Variants in LARP1B observed in about 807,000 individuals in gnomAD.
LARP1B encodes la-related protein 1B.
Under a neutral mutation model 114.2 loss-of-function variants are expected in LARP1B, and 76 were observed. The observed-to-expected ratio is 0.67, with a 90% CI of 0.55 to 0.81. The LOEUF (loss-of-function observed/expected upper bound fraction) is 0.81. Among genes scored for constraint, LARP1B ranks in the 30% least tolerant of loss-of-function variants. LARP1B has a pLI of 0.00. For missense variants in LARP1B, 1,014 were observed against 1,075.8 expected (o/e 0.94, Z 0.80); for synonymous variants, 345 against 348.0 (o/e 0.99, Z 0.10).
chr4:128,203,081 G>C (rs1165800995), intron 17 of LARP1B, among the ~76,000 whole-genome samples: 1 of 152,046 alleles, frequency 6.6e-6, no homozygotes, highest in African/African-American at 2.4e-5. Flanking sequence ...GCTTATAGCT[G>C]CTTGGGAGGC....
chr4:128,178,512 C>A lies in LARP1B; in HGVS notation c.1766C>A (p.Ala589Glu), dbSNP rs1328070030. 1 of 1,613,910 alleles carries A rather than the reference C, an allele frequency of 6.2e-7. No individual in the cohort carries two copies. Among genetic ancestry groups the A allele is most frequent in the Non-Finnish European group, 8.5e-7 (1 of 1,179,824 alleles). The change falls in exon 14 of 20, where the codon GCA becomes GAA. Residue 589 changes from alanine to glutamate, a missense_variant. Physicochemically the swap from Ala to Glu is moderately radical, Grantham distance 107. Transcript: ENST00000326639. ...SAAMVHSLPTAVPESPRIHPT... is the reference protein window; with the variant it reads ...SAAMVHSLPTEVPESPRIHPT... ...GCAATGGTTCATTCGTTGCCTACAG[C>A]AGTTCCAGAATCTCCTAGAATTCAT...
downstream of LARP1B, among the ~76,000 whole-genome samples, chr4:128,216,162 C>T (rs375252629): frequency 5.6e-4 from 1 of 1,774 alleles, no homozygotes; most frequent in Non-Finnish European, 1.8e-3. Flanking sequence ...GAGTGACCTA[C>T]AAAGAGACTT....
intron 7 of LARP1B, among the ~76,000 whole-genome samples, chr4:128,093,458 C>T (rs1003318156): frequency 2.6e-5 from 4 of 151,638 alleles, no homozygotes; most frequent in African/African-American, 9.7e-5. Flanking sequence ...TAGCCGGGCG[C>T]GGTGGCGGGC....
At chr4:128,135,215 G>A (rs1469089483) in intron 11 of LARP1B, among the ~76,000 whole-genome samples, 1 of 151,970 alleles carries the variant, frequency 6.6e-6, no homozygotes, top group African/African-American at 2.4e-5. Flanking sequence ...AAAAAAATCA[G>A]AGGATTATCA....
intron 7 of LARP1B, among the ~76,000 whole-genome samples, chr4:128,096,703 C>T (rs1778152168): frequency 6.6e-6 from 1 of 151,514 alleles, no homozygotes; most frequent in African/African-American, 2.4e-5. Context: ...CAGGTTCACG[C>T]CATTCTCCTG....
rs374535196 is a variant in LARP1B, at chr4:128,094,187, A to G, written c.668+2675A>G. Among the ~76,000 whole-genome samples the G allele has an allele frequency of 1.3e-4, 20 of 152,064 alleles. No individual in the cohort carries two copies. In the East Asian group the frequency reaches 3.1e-3, roughly 24 times the overall value. On this transcript the variant is annotated intron_variant, in intron 7 of 19. Transcript: ENST00000326639. ...TGATCCGCCGTCCTCGGCCTCCCAA[A>G]GTGCTGGGATTACAGGCGTGAGCCA...
chr4:128,101,958 C>T (rs1780487647), intron 8 of LARP1B, among the ~76,000 whole-genome samples: 1 of 152,106 alleles, frequency 6.6e-6, no homozygotes, highest in African/African-American at 2.4e-5. Context: ...AATCCTCAAG[C>T]ACAATTTTAA....
chr4:128,089,527 G>C (rs1388446633), intron 5 of LARP1B, among the ~76,000 whole-genome samples: 1 of 151,968 alleles, frequency 6.6e-6, no homozygotes, highest in African/African-American at 2.4e-5. Context: ...GTAGAGATGG[G>C]GTTTTGCCAT....
At chr4:128,172,524 C>A (rs1744179905) in intron 12 of LARP1B, among the ~76,000 whole-genome samples, 1 of 151,980 alleles carries the variant, frequency 6.6e-6, no homozygotes, top group Admixed American at 6.5e-5. Flanking sequence ...GAAACCCCAT[C>A]TCTACTAAAA....
rs141996530 is a variant in LARP1B at position 128,190,634 on chromosome 4, A to G, written c.2004-8805A>G. Among the ~76,000 whole-genome samples the G allele has an allele frequency of 7.5e-3, 1,141 of 152,166 alleles. 10 individuals carry two copies. Among genetic ancestry groups the G allele is most frequent in the Non-Finnish European group, 9.2e-3 (625 of 68,006 alleles). ...GTGTTTGACGGTTTCTCCTTCACACATACTCTCTCTCACCTGCTGCAGTGT... is the reference window on the plus strand; with the variant it reads ...GTGTTTGACGGTTTCTCCTTCACACGTACTCTCTCTCACCTGCTGCAGTGT... On this transcript the variant is annotated intron_variant, in intron 15 of 19. Coordinates refer to ENST00000326639, the MANE Select transcript of LARP1B (RefSeq NM_018078.4).
intron 11 of LARP1B, among the ~76,000 whole-genome samples, chr4:128,139,676 G>T (rs1310887475): frequency 2.6e-5 from 4 of 151,018 alleles, no homozygotes; most frequent in Non-Finnish European, 4.4e-5. Flanking sequence ...ACACACAAAA[G>T]ATTCAGTATA....
chr4:128,189,183 G>T (rs1751354141), intron 15 of LARP1B, among the ~76,000 whole-genome samples: 3 of 148,820 alleles, frequency 2.0e-5, no homozygotes, highest in Admixed American at 1.3e-4. Flanking sequence ...CCAGAATTGG[G>T]TGCATATATT....
intron 3 of LARP1B, among the ~76,000 whole-genome samples, 197 bp downstream of exon 3, chr4:128,075,190 C>A (rs1028428938): frequency 3.9e-5 from 6 of 152,090 alleles, no homozygotes; most frequent in African/African-American, 1.4e-4. Flanking sequence ...TAGCCTCAAA[C>A]TGCTAGGCTC....
chr4:128,201,641 C>T (rs1755980739), intron 17 of LARP1B, among the ~76,000 whole-genome samples: 1 of 152,228 alleles, frequency 6.6e-6, no homozygotes, highest in African/African-American at 2.4e-5. Context: ...TCTTCGTCCT[C>T]CCTGTGCTTT....
intron 1 of LARP1B, among the ~76,000 whole-genome samples, chr4:128,067,314 C>G (rs974961260): frequency 1.3e-5 from 2 of 152,140 alleles, no homozygotes; most frequent in African/African-American, 4.8e-5. Flanking sequence ...TAAATCAGGT[C>G]TATCCTGCTC....
At chr4:128,176,159 AAAT>A (rs1745857666) in intron 12 of LARP1B, among the ~76,000 whole-genome samples, 1 of 130,558 alleles carries the variant, frequency 7.7e-6, no homozygotes, top group African/African-American at 2.8e-5. Flanking sequence ...TTATATATAT[AAAT>A]ATATATATTA....
At chr4:128,073,670 A>G (rs1396828322) in intron 1 of LARP1B, among the ~76,000 whole-genome samples, 1 of 123,510 alleles carries the variant, frequency 8.1e-6, no homozygotes, top group Non-Finnish European at 1.6e-5. Context: ...GGCTCACTGC[A>G]ACCTCCACCT....
At chr4:128,071,729 C>A (rs1765452138) in intron 1 of LARP1B, among the ~76,000 whole-genome samples, 2 of 146,496 alleles carry the variant, frequency 1.4e-5, no homozygotes, top group Admixed American at 1.4e-4. Context: ...GCCATTCTTT[C>A]ACATTTTAAA....
At chr4:128,172,455 G>C (rs1266760566) in intron 12 of LARP1B, among the ~76,000 whole-genome samples, 4 of 152,234 alleles carry the variant, frequency 2.6e-5, no homozygotes, top group Non-Finnish European at 4.4e-5. Flanking sequence ...CACTTTGGGA[G>C]GCCAAGGCGG....
Sources: allele counts gnomAD v4.1 joint callset (sites outside exome capture counted in the v4.1 genomes callset), GRCh38; gene constraint gnomAD v4.1.1; transcripts MANE v1.5; gene names NCBI Gene and HGNC (gene_info 2026-07-23, HGNC 2026-07-21).